EVC: variants seen among roughly 807,000 people sequenced by gnomAD.
EVC encodes EvC ciliary complex subunit 1, also known as evC complex member EVC.
Under a neutral mutation model 118.9 loss-of-function variants are expected in EVC, and 116 were observed. The observed-to-expected ratio is 0.98, with a 90% CI of 0.84 to 1.14. EVC has a LOEUF of 1.14. Ranked by LOEUF, EVC falls within the 50% of genes most tolerant of loss-of-function variation. EVC has a pLI of 0.00. For synonymous variants in EVC, 619 were observed against 534.7 expected (o/e 1.16, Z -2.18); for missense variants, 1,401 against 1,246.4 (o/e 1.12, Z -1.87).
At chr4:5,752,541 ATCTGG>A in intron 8 of EVC, 1 of 498,562 alleles carries the variant, frequency 2.0e-6, no homozygotes, top group Non-Finnish European at 3.7e-6. Flanking sequence ...CCGTTTGTAA[ATCTGG>A]ATTCCCTCCT....
the EVC span, among the ~76,000 whole-genome samples, chr4:5,819,857 A>G: frequency 6.6e-5 from 10 of 152,174 alleles, no homozygotes; most frequent in Non-Finnish European, 1.3e-4. Context: ...AAGGAAGTCT[A>G]TAACTGACCC....
At chr4:5,784,055 G>C (rs1459937728) in intron 12 of EVC, among the ~76,000 whole-genome samples, 1 of 152,166 alleles carries the variant, frequency 6.6e-6, no homozygotes, top group Non-Finnish European at 1.5e-5. Context: ...ATGGCAGGAA[G>C]GAAAGGGGTT....
intron 17 of EVC, among the ~76,000 whole-genome samples, chr4:5,807,729 G>A (rs574796176): frequency 2.8e-4 from 42 of 152,310 alleles, no homozygotes; most frequent in African/African-American, 9.9e-4. Context: ...GGGAGGGGCC[G>A]GGGCAGTTCT....
chr4:5,809,660 G>A (rs982904310), intron 19 of EVC, 49 bp downstream of exon 19: 1 of 1,532,594 alleles, frequency 6.5e-7, no homozygotes, highest in Non-Finnish European at 9.0e-7. Flanking sequence ...TGGGCTGAGA[G>A]ATACGGATTC....
At chr4:5,717,799 T>A (rs1724227157) in intron 1 of EVC, among the ~76,000 whole-genome samples, 1 of 152,254 alleles carries the variant, frequency 6.6e-6, no homozygotes, top group African/African-American at 2.4e-5. Context: ...AGACTTTGTC[T>A]CCCATCATCC....
At chr4:5,769,753 A>T (rs1733657233) in intron 11 of EVC, among the ~76,000 whole-genome samples, 1 of 152,294 alleles carries the variant, frequency 6.6e-6, no homozygotes, top group Non-Finnish European at 1.5e-5. Context: ...CAGCCCTGTC[A>T]TGCGGGGACT....
Position 5,754,859 on chromosome 4 carries a change from G to A in EVC, c.1464+926G>A, listed in dbSNP as rs1023220701. 2.0e-5 allele frequency among the ~76,000 whole-genome samples: 3 copies of A among 152,200 alleles called. No homozygotes were observed. The highest frequency in any genetic ancestry group is 2.9e-5 in the Non-Finnish European group (2 of 68,000). ...CCAGCCTCACTGTTTGCCTGGGTCC[G>A]CCTGCCCTCCGTCAACACTTGGTAC... is the stretch of plus-strand genomic sequence containing the variant. On this transcript the variant is annotated intron_variant, in intron 10 of 20. Transcript: ENST00000264956. This position sits in a 1 kb window ranked among gnomAD's most constrained non-coding sequence, Gnocchi z 5.8.
chr4:5,791,135 T>A (rs770394956), intron 12 of EVC, among the ~76,000 whole-genome samples: 63 of 151,966 alleles, frequency 4.1e-4, no homozygotes, highest in Non-Finnish European at 8.8e-4. Flanking sequence ...AAAACAGAAA[T>A]CTAATTGGAT....
intron 1 of EVC, among the ~76,000 whole-genome samples, chr4:5,716,816 T>G (rs1222967633): frequency 6.6e-6 from 1 of 152,234 alleles, no homozygotes; most frequent in East Asian, 1.9e-4. Flanking sequence ...GGGACTCTGC[T>G]TCATCTCATA....
chr4:5,815,453 A>G (rs1717522817), downstream of EVC, among the ~76,000 whole-genome samples: 1 of 152,230 alleles, frequency 6.6e-6, no homozygotes, highest in South Asian at 2.1e-4. Context: ...CCACACCCTC[A>G]TAGGGAGACG....
chr4:5,784,624 T>TTTTTG (rs1736145807), intron 12 of EVC, among the ~76,000 whole-genome samples: 3 of 150,502 alleles, frequency 2.0e-5, no homozygotes, highest in Admixed American at 2.0e-4. Context: ...TTTTTTTTTT[T>TTTTTG]TTTTGGAATG....
intron 17 of EVC, among the ~76,000 whole-genome samples, chr4:5,807,356 G>A (rs1230453925): frequency 6.6e-6 from 1 of 152,192 alleles, no homozygotes; most frequent in Non-Finnish European, 1.5e-5. Flanking sequence ...GTTACTGGCG[G>A]ACAGAAGAGT....
At chr4:5,781,830 A>G (rs940154093) in intron 11 of EVC, among the ~76,000 whole-genome samples, 3 of 152,100 alleles carry the variant, frequency 2.0e-5, no homozygotes, top group Non-Finnish European at 4.4e-5. Flanking sequence ...ATCCTGTCTC[A>G]AAACAAAACA....
At position 5,745,131 on chromosome 4, in the gene EVC, A is replaced by AT. The variant is rs1169801115; in HGVS notation, c.802-68dup. The AT allele has an allele frequency of 4.2e-6, 6 of 1,441,124 alleles. No individual in the cohort carries two copies. In the Admixed American group the frequency reaches 1.1e-4, roughly 27 times the overall value. The allele number at this position is 1,441,124 out of a possible 1,614,324, so 89.3% of individuals were successfully genotyped here. A position where few individuals can be genotyped will look rare whatever the true frequency, so the allele number is the denominator to read the frequency against. On this transcript the variant is annotated intron_variant, in intron 6 of 20. Transcript: ENST00000264956. The stretch of plus-strand genomic sequence containing the variant: ...TGAAATTTGAAAAATAAAAGCATTT[A>AT]TTTTTCTAGAATTTAAGACACGCTA...
chr4:5,827,915 C>T, the EVC span: 1 of 517,834 alleles, frequency 1.9e-6, no homozygotes, highest in Middle Eastern at 9.7e-4. Context: ...GGAATAGAGC[C>T]TGCTCCTTCC....
chr4:5,728,479 A>G lies in EVC; in HGVS notation c.301-828A>G, dbSNP rs534676715. On this transcript the variant is annotated intron_variant, in intron 2 of 20. Coordinates refer to ENST00000264956, the MANE Select transcript of EVC (RefSeq NM_153717.3). The stretch of plus-strand genomic sequence containing the variant: ...CAGCTTAAGGAGATTTTGGGCTGAG[A>G]CAATGGGGTTTTCTAGATATACAAT... 1.1e-4 allele frequency among the ~76,000 whole-genome samples: 17 copies of G among 152,170 alleles called. No homozygotes were observed. In the East Asian group the frequency reaches 3.3e-3, roughly 29 times the overall value.
intron 1 of EVC, among the ~76,000 whole-genome samples, chr4:5,713,361 A>G (rs971859959): frequency 4.7e-4 from 71 of 152,210 alleles, no homozygotes; most frequent in African/African-American, 1.7e-3. Flanking sequence ...AAACACCTCC[A>G]GTGACTCCTG....
chr4:5,819,964 G>A, the EVC span, among the ~76,000 whole-genome samples: 1 of 152,174 alleles, frequency 6.6e-6, no homozygotes, highest in African/African-American at 2.4e-5. Flanking sequence ...GTTGATGTGG[G>A]ACCAGAGCAT....
Position 5,738,692 on chromosome 4 carries a change from G to A in EVC, c.703-3024G>A, listed in dbSNP as rs1260658160. 2.0e-5 allele frequency among the ~76,000 whole-genome samples: 3 copies of A among 150,994 alleles called. No individual in the cohort carries two copies. Among genetic ancestry groups the A allele is most frequent in the Non-Finnish European group, 2.9e-5 (2 of 67,856 alleles). ...AGTGATTCTCCCGCCTCAGCCTCCCGAGCAGCTGGGACCACAGGCGCGCAC... is the reference window on the plus strand; with the variant it reads ...AGTGATTCTCCCGCCTCAGCCTCCCAAGCAGCTGGGACCACAGGCGCGCAC... On this transcript the variant is annotated intron_variant, in intron 5 of 20. Transcript: ENST00000264956. This position sits in a 1 kb window ranked among gnomAD's most constrained non-coding sequence, Gnocchi z 6.5.
Sources: gnomAD v4.1 joint callset for allele counts (sites outside exome capture counted in the v4.1 genomes callset) on GRCh38, gnomAD v4.1.1 for gene constraint, Gnocchi (gnomAD v3.1) non-coding constraint, MANE v1.5 for transcripts, NCBI Gene and HGNC (gene_info 2026-07-23, HGNC 2026-07-21) for gene names.